The following SPIDR variants were observed in gnomAD, a reference collection of about 807,000 sequenced individuals.
SPIDR encodes scaffold protein involved in DNA repair, also known as DNA repair-scaffolding protein.
SPIDR carries 93 observed loss-of-function variants against 104.6 expected under a neutral mutation model. The observed-to-expected ratio is 0.89, with a 90% CI of 0.75 to 1.06. The LOEUF (loss-of-function observed/expected upper bound fraction) is 1.06. SPIDR is among the 50% of genes least tolerant of loss of function. The probability of loss-of-function intolerance (pLI) is 0.00; values close to 1 mark genes in which losing one functional copy is unlikely to be tolerated. For missense variants in SPIDR, 1,154 were observed against 1,111.2 expected (o/e 1.04, Z -0.55); for synonymous variants, 431 against 416.9 (o/e 1.03, Z -0.41).
intron 5 of SPIDR, among the ~76,000 whole-genome samples, chr8:47,305,989 T>C (rs2154251186): frequency 6.6e-6 from 1 of 152,332 alleles, no homozygotes; most frequent in African/African-American, 2.4e-5. Context: ...CTTCTGTCTT[T>C]CCCTAGCTCC....
chr8:47,733,440 C>G (rs1391296603), intron 19 of SPIDR, among the ~76,000 whole-genome samples: 1 of 152,134 alleles, frequency 6.6e-6, no homozygotes, highest in Non-Finnish European at 1.5e-5. Context: ...ATAGCCAAAC[C>G]TAACATTTTA....
At chr8:47,492,639 G>GGGCCCTTC (rs2078895222) in intron 8 of SPIDR, among the ~76,000 whole-genome samples, 1 of 152,020 alleles carries the variant, frequency 6.6e-6, no homozygotes, top group Admixed American at 6.6e-5. Context: ...GCCTACTTCT[G>GGGCCCTTC]GGCCCTTCTT....
chr8:47,400,473 G>C (rs1368435225), intron 6 of SPIDR, among the ~76,000 whole-genome samples: 1 of 152,118 alleles, frequency 6.6e-6, no homozygotes, highest in Non-Finnish European at 1.5e-5. Flanking sequence ...TGACTAGAAA[G>C]GCCTGTGACT....
chr8:47,452,280 C>CA (rs1386835811), intron 8 of SPIDR, among the ~76,000 whole-genome samples: 9 of 151,444 alleles, frequency 5.9e-5, no homozygotes, highest in East Asian at 5.8e-4. Context: ...ACGAAACAAG[C>CA]AAAAAAAAGA....
chr8:47,719,398 A>C (rs953068135), intron 16 of SPIDR, among the ~76,000 whole-genome samples: 5 of 151,960 alleles, frequency 3.3e-5, no homozygotes, highest in African/African-American at 1.2e-4. Flanking sequence ...AGTCCCAGCT[A>C]CTCGGGAGGC....
chr8:47,699,616 G>A (rs1271854144), intron 11 of SPIDR, among the ~76,000 whole-genome samples: 1 of 151,896 alleles, frequency 6.6e-6, no homozygotes, highest in Non-Finnish European at 1.5e-5. Context: ...CTGCAATGAT[G>A]TGATCTCAGC....
intron 5 of SPIDR, among the ~76,000 whole-genome samples, chr8:47,349,535 G>T (rs535872634): frequency 6.6e-6 from 1 of 152,360 alleles, no homozygotes; most frequent in Non-Finnish European, 1.5e-5. Flanking sequence ...GTCTGCAGAA[G>T]TTTCTGCTGC....
At chr8:47,322,898 G>C (rs916929921) in intron 5 of SPIDR, among the ~76,000 whole-genome samples, 22 of 151,982 alleles carry the variant, frequency 1.4e-4, no homozygotes, top group Admixed American at 1.4e-3. Flanking sequence ...TGAGAACACG[G>C]GGGCACAAGA....
chr8:47,517,542 A>C (rs1352762379), intron 8 of SPIDR, among the ~76,000 whole-genome samples: 1 of 152,172 alleles, frequency 6.6e-6, no homozygotes, highest in Admixed American at 6.5e-5. Flanking sequence ...GTCTGTCTAC[A>C]CAATATTCTG....
chr8:47,676,580 T>A (rs2076480505), intron 11 of SPIDR, among the ~76,000 whole-genome samples: 2 of 152,190 alleles, frequency 1.3e-5, no homozygotes, highest in Non-Finnish European at 2.9e-5. Context: ...CAAAATATGC[T>A]TCTCATAAAC....
intron 8 of SPIDR, among the ~76,000 whole-genome samples, chr8:47,442,461 C>T (rs1206342651): frequency 6.6e-6 from 1 of 152,204 alleles, no homozygotes; most frequent in Non-Finnish European, 1.5e-5. Context: ...AGGTTAATCT[C>T]TGCATTCACG....
intron 10 of SPIDR, among the ~76,000 whole-genome samples, chr8:47,621,542 A>G (rs571483288): frequency 2.0e-5 from 3 of 152,300 alleles, no homozygotes; most frequent in Non-Finnish European, 2.9e-5. Context: ...CTTTGAAGGA[A>G]GGGGCTCTGC....
chr8:47,573,203 T>TC (rs1325996114), intron 8 of SPIDR, among the ~76,000 whole-genome samples: 1 of 152,216 alleles, frequency 6.6e-6, no homozygotes, highest in Admixed American at 6.5e-5. Flanking sequence ...TGATTGTTTT[T>TC]CGGCAGGCTT....
intron 8 of SPIDR, among the ~76,000 whole-genome samples, chr8:47,569,423 C>T (rs1197012353): frequency 1.3e-5 from 2 of 152,176 alleles, no homozygotes; most frequent in Admixed American, 1.3e-4. Context: ...TTAAACCTAA[C>T]AGACGTGCAG....
chr8:47,575,695 C>T (rs2059023378), intron 8 of SPIDR, among the ~76,000 whole-genome samples: 1 of 149,428 alleles, frequency 6.7e-6, no homozygotes, highest in Non-Finnish European at 1.5e-5. Context: ...GGCGCAGTGG[C>T]TCACACTTGT....
chr8:47,348,070 T>C (rs2052548329), intron 5 of SPIDR, among the ~76,000 whole-genome samples: 1 of 152,224 alleles, frequency 6.6e-6, no homozygotes, highest in Non-Finnish European at 1.5e-5. Flanking sequence ...TGGCATGTTT[T>C]TGCAGTGGCT....
intron 10 of SPIDR, among the ~76,000 whole-genome samples, chr8:47,619,887 G>C (rs1466646482): frequency 6.6e-6 from 1 of 152,032 alleles, no homozygotes; most frequent in Non-Finnish European, 1.5e-5. Context: ...TTCCCCCACC[G>C]TGCTGCCTTT....
intron 8 of SPIDR, among the ~76,000 whole-genome samples, chr8:47,576,687 G>GCCTC (rs754376172): frequency 3.3e-5 from 5 of 152,104 alleles, no homozygotes; most frequent in Non-Finnish European, 5.9e-5. Context: ...GCCCACCTTG[G>GCCTC]CCTCCCAAAG....
chr8:47,485,550 C>G (rs1554730496), intron 8 of SPIDR, among the ~76,000 whole-genome samples: 1 of 152,224 alleles, frequency 6.6e-6, no homozygotes, highest in African/African-American at 2.4e-5. Context: ...GGACAGACTG[C>G]CTCCTCAAGT....
Sources: gnomAD v4.1 joint callset for allele counts (sites outside exome capture counted in the v4.1 genomes callset) on GRCh38, gnomAD v4.1.1 for gene constraint, MANE v1.5 for transcripts, NCBI Gene and HGNC (gene_info 2026-07-23, HGNC 2026-07-21) for gene names.